SLC30A8: variants seen among roughly 807,000 people sequenced by gnomAD.
The protein encoded by SLC30A8 is proton-coupled zinc antiporter SLC30A8.
SLC30A8 carries 27 observed loss-of-function variants against 36.9 expected under a neutral mutation model. The ratio of observed to expected loss-of-function variants is 0.73; its 90% CI spans 0.54 to 1.01. The LOEUF is 1.01. Among genes scored for constraint, SLC30A8 ranks in the 50% least tolerant of loss-of-function variants. SLC30A8 has a pLI of 0.00. For missense variants in SLC30A8, 439 were observed against 452.0 expected, an observed-to-expected ratio of 0.97 and a Z score of 0.26; for synonymous variants, 164 against 172.4, an observed-to-expected ratio of 0.95 and a Z score of 0.38.
intron 1 of SLC30A8, among the ~76,000 whole-genome samples, chr8:117,141,847 C>A (rs1026745128): frequency 6.6e-6 from 1 of 152,154 alleles, no homozygotes; most frequent in African/African-American, 2.4e-5. Flanking sequence ...ATTTAATAAT[C>A]TGTGCATTCA....
chr8:117,035,586 C>T (rs1817186171), intron 1 of SLC30A8, among the ~76,000 whole-genome samples: 2 of 152,204 alleles, frequency 1.3e-5, no homozygotes, highest in South Asian at 2.1e-4. Context: ...GACAGTGGCC[C>T]TCTTCTCACA....
rs775751286 is a variant in SLC30A8 at position 117,146,965 on chromosome 8, A to G, written c.83A>G (p.Gln28Arg). The change falls in exon 2 of 8, where the codon CAA becomes CGA. Residue 28 changes from glutamine (Q) to arginine (R), a missense_variant. Physicochemically the swap from Gln to Arg is conservative, Grantham distance 43. Coordinates refer to ENST00000456015, the MANE Select transcript of SLC30A8 (RefSeq NM_173851.3). ...AAACTCATCCATAGTGTGGAACTCC[A>G]ACAGAAACCGGTGAATAAAGATCAG... is the stretch of plus-strand genomic sequence containing the variant. ...YAFTLESVEL[Q>R]QKPVNKDQCP... 1 of 1,613,828 alleles carries G rather than the reference A, an allele frequency of 6.2e-7. No homozygotes were observed. Among genetic ancestry groups the G allele is most frequent in the Non-Finnish European group, 8.5e-7 (1 of 1,179,934 alleles).
intron 7 of SLC30A8, 25 bp downstream of exon 7, chr8:117,171,193 G>C: frequency 6.2e-7 from 1 of 1,612,734 alleles, no homozygotes; most frequent in Non-Finnish European, 8.5e-7. Flanking sequence ...TAAACACCCT[G>C]GAAAAAATTC....
intron 2 of SLC30A8, among the ~76,000 whole-genome samples, chr8:117,060,723 A>G (rs1443553434): frequency 6.6e-6 from 1 of 152,082 alleles, no homozygotes; most frequent in Non-Finnish European, 1.5e-5. Context: ...GTTTTATCAC[A>G]TATGTTTTCT....
intron 1 of SLC30A8, among the ~76,000 whole-genome samples, chr8:116,987,407 G>T (rs112625120): frequency 0.053 from 7,878 of 149,498 alleles, 677 homozygotes; most frequent in African/African-American, 0.18. Context: ...AGACCTGCAC[G>T]TTGTGCACAT....
rs80215957 is a variant in SLC30A8, at chr8:117,021,575, C to T, written c.-265-17644C>T. On this transcript the variant is annotated intron_variant, in intron 1 of 10. Coordinates refer to the SLC30A8 transcript ENST00000427715. The stretch of plus-strand genomic sequence containing the variant: ...AGATGTCTTTTCTCAGCACATTCAT[C>T]CACATTTTCAAGGCAGCGTCAGCAA... Among the ~76,000 whole-genome samples, 740 of 152,260 alleles carry T rather than the reference C, an allele frequency of 4.9e-3. 26 individuals are homozygous for T. In the East Asian group the frequency reaches 0.098, roughly 20 times the overall value.
At chr8:117,105,216 G>T (rs893509140) in intron 2 of SLC30A8, among the ~76,000 whole-genome samples, 5 of 152,108 alleles carry the variant, frequency 3.3e-5, no homozygotes, top group African/African-American at 7.2e-5. Context: ...TAAAGATGGA[G>T]TTGCTCTGGT....
At chr8:117,144,720 A>G (rs987947759) in intron 1 of SLC30A8, among the ~76,000 whole-genome samples, 2 of 152,152 alleles carry the variant, frequency 1.3e-5, no homozygotes, top group African/African-American at 4.8e-5. Context: ...CAGAATCTGT[A>G]TCTTTGGTAG....
At chr8:117,092,973 C>T (rs1819195356) in intron 2 of SLC30A8, among the ~76,000 whole-genome samples, 1 of 152,178 alleles carries the variant, frequency 6.6e-6, no homozygotes, top group Non-Finnish European at 1.5e-5. Context: ...CATATATCCC[C>T]TGTGTCAGCT....
chr8:117,064,999 A>G (rs1029190798), intron 2 of SLC30A8, among the ~76,000 whole-genome samples: 8 of 152,218 alleles, frequency 5.3e-5, no homozygotes, highest in Non-Finnish European at 1.0e-4. Context: ...AAATAAACTC[A>G]ATGTCTTTAC....
At chr8:116,965,724 G>T (rs1011018146) in intron 1 of SLC30A8, among the ~76,000 whole-genome samples, 6 of 152,086 alleles carry the variant, frequency 3.9e-5, no homozygotes, top group Non-Finnish European at 7.4e-5. Context: ...ACAAAAAATT[G>T]ACTGGTTTAA....
At chr8:117,044,064 A>T (rs1817471512) in intron 2 of SLC30A8, among the ~76,000 whole-genome samples, 1 of 152,134 alleles carries the variant, frequency 6.6e-6, no homozygotes, top group South Asian at 2.1e-4. Flanking sequence ...ATGTGATGTG[A>T]GCTTTGTGAG....
Position 117,166,822 on chromosome 8 carries a change from C to T in SLC30A8, c.829+3292C>T, listed in dbSNP as rs544672782. Among the ~76,000 whole-genome samples the T allele has an allele frequency of 8.3e-5, 11 of 132,042 alleles. No homozygotes were observed. The East Asian group carries it at 2.5e-3, about 31-fold the overall frequency. 86.6% of individuals were successfully genotyped at this position (132,042 alleles called of 152,430 possible). A position where few individuals can be genotyped will look rare whatever the true frequency, so the allele number is the denominator to read the frequency against. On this transcript the variant is annotated intron_variant, in intron 6 of 7. Coordinates refer to ENST00000456015, the MANE Select transcript of SLC30A8 (RefSeq NM_173851.3). ...TTTTGACATAAGGTAGATCTGGTCTCAGAGTGCAGTTGCCTTCAGTGACAG... is the reference window on the plus strand; with the variant it reads ...TTTTGACATAAGGTAGATCTGGTCTTAGAGTGCAGTTGCCTTCAGTGACAG...
At chr8:116,951,205 A>G (rs1227149874) in intron 1 of SLC30A8, 1 of 152,150 alleles carries the variant, frequency 6.6e-6, no homozygotes. Context: ...CATCTTTAAG[A>G]TTCTTTGGGT....
Position 117,065,048 on chromosome 8 carries a change from A to T in SLC30A8, c.-226+25790A>T, listed in dbSNP as rs971723702. On this transcript the variant is annotated intron_variant, in intron 2 of 10. Coordinates refer to the SLC30A8 transcript ENST00000427715. Reference sequence around the variant, plus strand: ...TGTTTAACTTTGACCTCACTGTGTTAATCATGTTTTATGTTTTACTTTTAT... The same window carrying T: ...TGTTTAACTTTGACCTCACTGTGTTTATCATGTTTTATGTTTTACTTTTAT... Among the ~76,000 whole-genome samples, 4 of 152,188 alleles carry T rather than the reference A, an allele frequency of 2.6e-5. No homozygotes were observed. The East Asian group carries it at 7.7e-4, about 29-fold the overall frequency.
At chr8:116,977,571 G>A (rs1425833727) in intron 1 of SLC30A8, among the ~76,000 whole-genome samples, 1 of 148,218 alleles carries the variant, frequency 6.7e-6, no homozygotes, top group Admixed American at 6.8e-5. Flanking sequence ...GAGTGCAGTG[G>A]TGCGATCTCT....
chr8:116,996,394 T>G (rs1424238368), intron 1 of SLC30A8, among the ~76,000 whole-genome samples: 4 of 152,224 alleles, frequency 2.6e-5, no homozygotes, highest in Non-Finnish European at 4.4e-5. Context: ...TTAAAATTTG[T>G]AAATTTATGG....
At chr8:117,160,780 A>C (rs1402127373) in intron 4 of SLC30A8, among the ~76,000 whole-genome samples, 2 of 152,210 alleles carry the variant, frequency 1.3e-5, no homozygotes, top group Non-Finnish European at 2.9e-5. Flanking sequence ...CTGCACATTC[A>C]GTAGTGATCA....
chr8:116,993,746 A>G (rs574672026), intron 1 of SLC30A8, among the ~76,000 whole-genome samples: 5 of 152,144 alleles, frequency 3.3e-5, no homozygotes, highest in African/African-American at 9.6e-5. Context: ...CTTACTGGAT[A>G]TGATAGAAGA....
Sources: gnomAD v4.1 joint callset for allele counts (sites outside exome capture counted in the v4.1 genomes callset) on GRCh38, gnomAD v4.1.1 for gene constraint, MANE v1.5 for transcripts, NCBI Gene and HGNC (gene_info 2026-07-23, HGNC 2026-07-21) for gene names.